GRID2: variants seen among roughly 807,000 people sequenced by gnomAD.
GRID2 encodes glutamate receptor ionotropic, delta-2.
In GRID2, 33 loss-of-function variants were observed where a neutral mutation model predicts 114.8. The observed-to-expected ratio is 0.29, with a 90% CI of 0.22 to 0.38. The LOEUF is 0.38. Ranked by LOEUF, GRID2 falls within the 10% of genes least tolerant of loss-of-function variation. The pLI is 1.00. For missense variants in GRID2, 1,184 were observed against 1,257.7 expected (o/e 0.94, Z 0.89); for synonymous variants, 505 against 449.9 (o/e 1.12, Z -1.55).
intron 1 of GRID2, among the ~76,000 whole-genome samples, chr4:92,583,670 T>G (rs62310106): frequency 6.7e-6 from 1 of 148,714 alleles, no homozygotes; most frequent in African/African-American, 2.5e-5. Flanking sequence ...TATATATATA[T>G]ACACACACAT....
Position 93,626,446 on chromosome 4 carries a change from T to C in GRID2, c.2360+11T>C, listed in dbSNP as rs1742741280. 6.4e-7 allele frequency: 1 copy of C among 1,569,082 alleles called. No homozygotes were observed. The highest frequency in any genetic ancestry group is 1.4e-5 in the African/African-American group (1 of 73,702). On this transcript the variant is annotated intron_variant, in intron 14 of 15. Transcript: ENST00000282020. ...TGTTTTTTCACAAAGGTAAGATTTG[T>C]GTATGACCAAATAAGGGGAGAGATG... is the stretch of plus-strand genomic sequence containing the variant.
chr4:93,629,944 A>G (rs1743091500), intron 14 of GRID2, among the ~76,000 whole-genome samples: 1 of 152,172 alleles, frequency 6.6e-6, no homozygotes, highest in South Asian at 2.1e-4. Context: ...CTGCTATGCT[A>G]CAAGTACATA....
At chr4:93,465,738 TA>T (rs1055461781) in intron 11 of GRID2, among the ~76,000 whole-genome samples, 2 of 152,152 alleles carry the variant, frequency 1.3e-5, no homozygotes, top group African/African-American at 2.4e-5. Flanking sequence ...AGCATTAGTT[TA>T]AAAAAGCATA....
At chr4:93,625,637 CG>C (rs1452868003) in intron 13 of GRID2, among the ~76,000 whole-genome samples, 1 of 152,124 alleles carries the variant, frequency 6.6e-6, no homozygotes, top group Non-Finnish European at 1.5e-5. Context: ...TACAGTGGGC[CG>C]GGCGCGGTGG....
At chr4:92,624,105 T>C (rs1313790816) in intron 2 of GRID2, among the ~76,000 whole-genome samples, 1 of 151,874 alleles carries the variant, frequency 6.6e-6, no homozygotes, top group Non-Finnish European at 1.5e-5. Context: ...ATATTCAGCA[T>C]TAATTAAATA....
chr4:92,914,372 T>C (rs1748625323), intron 2 of GRID2, among the ~76,000 whole-genome samples: 1 of 152,152 alleles, frequency 6.6e-6, no homozygotes, highest in Non-Finnish European at 1.5e-5. Flanking sequence ...AAGAAACATA[T>C]ATCTATGTTC....
At chr4:92,682,691 C>A (rs879499050) in intron 2 of GRID2, among the ~76,000 whole-genome samples, 36 of 146,068 alleles carry the variant, frequency 2.5e-4, no homozygotes, top group Admixed American at 1.5e-3. Context: ...GGCACACACA[C>A]ACACACACAC....
At chr4:93,553,234 G>T (rs1230957136) in intron 13 of GRID2, among the ~76,000 whole-genome samples, 3 of 152,094 alleles carry the variant, frequency 2.0e-5, no homozygotes, top group African/African-American at 4.8e-5. Flanking sequence ...GAACGAATTT[G>T]CACTCCCACC....
At chr4:93,699,785 G>T (rs902352739) in intron 14 of GRID2, among the ~76,000 whole-genome samples, 9 of 152,084 alleles carry the variant, frequency 5.9e-5, no homozygotes, top group Admixed American at 5.9e-4. Context: ...TTGGTTATAA[G>T]TTATGACATA....
At chr4:92,467,813 G>A (rs1721830794) in intron 1 of GRID2, among the ~76,000 whole-genome samples, 1 of 151,896 alleles carries the variant, frequency 6.6e-6, no homozygotes. Flanking sequence ...ATACAAAGAG[G>A]GGATATAGAA....
At chr4:92,822,496 A>G (rs1741357008) in intron 2 of GRID2, 1 of 414,670 alleles carries the variant, frequency 2.4e-6, no homozygotes. Flanking sequence ...GTGGCTCTCC[A>G]CCTGGACAGT....
In GRID2 at chr4:93,238,385, G is replaced by C. The variant is rs371304396; in HGVS notation, c.1140G>C (p.Gly380=). 6.2e-7 allele frequency: 1 copy of C among 1,605,386 alleles called. No homozygotes were observed. Residue 380 remains glycine, a synonymous_variant, in exon 8 of 16, where the codon GGG becomes GGC. Transcript: ENST00000282020. ...LETIKKGGVS[G]LTGELEFGEN... ...CTCTCCTTTAGGGTGGAGTTAGTGG[G>C]TTGACTGGAGAGCTAGAATTTGGAG...
chr4:93,083,412 A>G (rs10018501), intron 2 of GRID2, among the ~76,000 whole-genome samples: 65,793 of 151,884 alleles, frequency 0.43, 14,989 homozygotes, highest in Admixed American at 0.58. Context: ...GCATCCATCC[A>G]GGCCAGGCAC....
chr4:93,713,233 T>A (rs1290055688), intron 14 of GRID2, among the ~76,000 whole-genome samples: 1 of 152,140 alleles, frequency 6.6e-6, no homozygotes, highest in African/African-American at 2.4e-5. Flanking sequence ...TAATATAAGT[T>A]CATTTTACAA....
At chr4:93,020,906 C>A (rs113726198) in intron 2 of GRID2, among the ~76,000 whole-genome samples, 1 of 151,824 alleles carries the variant, frequency 6.6e-6, no homozygotes, top group South Asian at 2.1e-4. Flanking sequence ...GTGGCGGGCA[C>A]CTGTAATCCC....
At chr4:92,748,563 A>G (rs987194917) in intron 2 of GRID2, among the ~76,000 whole-genome samples, 1 of 151,924 alleles carries the variant, frequency 6.6e-6, no homozygotes, top group African/African-American at 2.4e-5. Flanking sequence ...CTCCTTTGGT[A>G]GGCTCTGCAC....
chr4:92,956,525 A>T (rs1752423332), intron 2 of GRID2, among the ~76,000 whole-genome samples: 1 of 152,160 alleles, frequency 6.6e-6, no homozygotes, highest in Non-Finnish European at 1.5e-5. Flanking sequence ...AGTGCTAAAT[A>T]ATATTCCACT....
chr4:93,481,150 A>G (rs531812432), intron 11 of GRID2, among the ~76,000 whole-genome samples: 205 of 152,098 alleles, frequency 1.3e-3, no homozygotes, highest in Middle Eastern at 6.8e-3. Flanking sequence ...TGACTCAATT[A>G]TTTTGGGACC....
At chr4:92,313,668 G>A (rs1026985350) in intron 1 of GRID2, among the ~76,000 whole-genome samples, 1 of 151,980 alleles carries the variant, frequency 6.6e-6, no homozygotes, top group African/African-American at 2.4e-5. Context: ...GGAGTACATG[G>A]TATTCTGGAA....
Sources: allele counts gnomAD v4.1 joint callset (sites outside exome capture counted in the v4.1 genomes callset), GRCh38; gene constraint gnomAD v4.1.1; transcripts MANE v1.5; gene names NCBI Gene and HGNC (gene_info 2026-07-23, HGNC 2026-07-21).